Variants in TFCP2 observed in about 807,000 individuals in gnomAD.
TFCP2 encodes transcription factor CP2, also known as alpha-globin transcription factor CP2.
Under a neutral mutation model 73.4 loss-of-function variants are expected in TFCP2, and 33 were observed. The ratio of observed to expected loss-of-function variants is 0.45; its 90% CI spans 0.34 to 0.60. The LOEUF (loss-of-function observed/expected upper bound fraction) is 0.60, where lower values mean the gene tolerates loss of function less well. TFCP2 is among the 20% of genes least tolerant of loss of function. TFCP2 has a pLI of 0.01. For missense variants in TFCP2, 352 were observed against 604.0 expected (o/e 0.58, Z 4.37); for synonymous variants, 193 against 211.6 (o/e 0.91, Z 0.76).
At chr12:51,133,871 G>A (rs143380354) in intron 1 of TFCP2, among the ~76,000 whole-genome samples, 4 of 147,366 alleles carry the variant, frequency 2.7e-5, no homozygotes, top group East Asian at 2.1e-4. Context: ...GCAGTGACCT[G>A]TGATTGCACC....
At chr12:51,133,124 G>C (rs1474556034) in intron 1 of TFCP2, among the ~76,000 whole-genome samples, 1 of 150,318 alleles carries the variant, frequency 6.7e-6, no homozygotes, top group Non-Finnish European at 1.5e-5. Flanking sequence ...ACCTTAATTA[G>C]AACAGTTCTA....
intron 1 of TFCP2, among the ~76,000 whole-genome samples, chr12:51,157,941 G>A (rs1383552906): frequency 6.6e-6 from 1 of 151,878 alleles, no homozygotes; most frequent in South Asian, 2.1e-4. Context: ...AACTCCCAAA[G>A]TGCTGGGATT....
At chr12:51,169,504 A>C (rs1415488539) in intron 1 of TFCP2, among the ~76,000 whole-genome samples, 2 of 152,020 alleles carry the variant, frequency 1.3e-5, no homozygotes, top group Non-Finnish European at 2.9e-5. Flanking sequence ...CCATCTCAAA[A>C]AGAAAAAAAA....
intron 4 of TFCP2, 43 bp from the exon 5 acceptor site, chr12:51,111,026 C>T: frequency 1.5e-6 from 2 of 1,339,310 alleles, no homozygotes; most frequent in Non-Finnish European, 1.1e-6. Flanking sequence ...TTGAGGGCCA[C>T]TCAGTTTTAA....
At chr12:51,163,339 C>G (rs552172368) in intron 1 of TFCP2, among the ~76,000 whole-genome samples, 1 of 152,126 alleles carries the variant, frequency 6.6e-6, no homozygotes, top group Admixed American at 6.5e-5. Flanking sequence ...CCTATAATCC[C>G]AGCACTTTGG....
At chr12:51,159,726 A>G (rs1312332278) in intron 1 of TFCP2, among the ~76,000 whole-genome samples, 2 of 151,830 alleles carry the variant, frequency 1.3e-5, no homozygotes, top group East Asian at 3.9e-4. Flanking sequence ...AGGCTCAAGC[A>G]ATCCTCTCGC....
intron 1 of TFCP2, among the ~76,000 whole-genome samples, chr12:51,165,940 A>T (rs955149984): frequency 5.9e-5 from 9 of 151,982 alleles, no homozygotes; most frequent in Non-Finnish European, 1.2e-4. Context: ...GATCCCCGGG[A>T]GTTCGAAGCT....
intron 1 of TFCP2, among the ~76,000 whole-genome samples, chr12:51,137,013 T>C (rs6580792): frequency 0.16 from 24,544 of 152,170 alleles, 2,320 homozygotes; most frequent in South Asian, 0.26. Flanking sequence ...GAGATACCTG[T>C]CATTTGATAG....
intron 1 of TFCP2, among the ~76,000 whole-genome samples, chr12:51,152,498 C>T (rs948686074): frequency 6.6e-6 from 1 of 152,086 alleles, no homozygotes; most frequent in Admixed American, 6.6e-5. Flanking sequence ...ATTGTGTCAG[C>T]GTTAAGTTCC....
intron 8 of TFCP2, 149 bp from the exon 9 acceptor site, chr12:51,104,352 C>G: frequency 1.6e-6 from 1 of 628,032 alleles, no homozygotes; most frequent in Non-Finnish European, 2.7e-6. Flanking sequence ...TGACCCAATA[C>G]TTTAATTTTC....
At chr12:51,152,548 G>C in intron 1 of TFCP2, among the ~76,000 whole-genome samples, 1 of 152,130 alleles carries the variant, frequency 6.6e-6, no homozygotes, top group East Asian at 1.9e-4. Context: ...AAGAGAATTT[G>C]TTTTTAAAAA....
chr12:51,128,758 G>A (rs1364859332), intron 1 of TFCP2, among the ~76,000 whole-genome samples: 1 of 152,184 alleles, frequency 6.6e-6, no homozygotes, highest in Non-Finnish European at 1.5e-5. Context: ...TCAGTAGTAT[G>A]CAACAGGGGC....
chr12:51,136,849 G>C (rs1194394228), intron 1 of TFCP2, among the ~76,000 whole-genome samples: 1 of 152,218 alleles, frequency 6.6e-6, no homozygotes, highest in Non-Finnish European at 1.5e-5. Flanking sequence ...GAGAGGCTGA[G>C]GCAGGAGAAT....
intron 1 of TFCP2, among the ~76,000 whole-genome samples, chr12:51,139,263 T>C (rs1257200010): frequency 1.3e-5 from 2 of 152,184 alleles, no homozygotes; most frequent in African/African-American, 2.4e-5. Flanking sequence ...AACGCAATCA[T>C]GATAAAGTGC....
chr12:51,111,631 G>A (rs552981500), intron 4 of TFCP2, among the ~76,000 whole-genome samples: 244 of 151,994 alleles, frequency 1.6e-3, no homozygotes, highest in African/African-American at 5.8e-3. Flanking sequence ...CAAGGCAGGC[G>A]GATCATGATG....
rs147749029 is a variant in TFCP2 at position 51,144,832 on chromosome 12, C to T, written c.123-26060G>A. Among the ~76,000 whole-genome samples, 8 of 152,268 alleles carry T rather than the reference C, an allele frequency of 5.3e-5. No individual in the cohort carries two copies. The East Asian group carries it at 1.3e-3, about 26-fold the overall frequency. ...ATCCCAACACTTTGGGAGGCTGAGG[C>T]GGGAGGATCACTTGAGGTCAAGGGT... On this transcript the variant is annotated intron_variant, in intron 1 of 14. Transcript: ENST00000257915.
chr12:51,125,125 G>T, intron 1 of TFCP2: 1 of 748,066 alleles, frequency 1.3e-6, no homozygotes, highest in Non-Finnish European at 2.5e-6. Context: ...GCAACAGGCT[G>T]GAAGATGATG....
At chr12:51,120,990 A>T (rs1211384916) in intron 1 of TFCP2, among the ~76,000 whole-genome samples, 2 of 151,594 alleles carry the variant, frequency 1.3e-5, no homozygotes, top group African/African-American at 2.4e-5. Flanking sequence ...TCATCATATT[A>T]TTCTGTTTAC....
chr12:51,140,100 A>G (rs2137014038), intron 1 of TFCP2, among the ~76,000 whole-genome samples: 1 of 152,340 alleles, frequency 6.6e-6, no homozygotes, highest in South Asian at 2.1e-4. Context: ...ATTAAGTAGC[A>G]ACTGTTCAAA....
Sources: gnomAD v4.1 joint callset for allele counts (sites outside exome capture counted in the v4.1 genomes callset) on GRCh38, gnomAD v4.1.1 for gene constraint, MANE v1.5 for transcripts, NCBI Gene and HGNC (gene_info 2026-07-23, HGNC 2026-07-21) for gene names.